The following GGNBP2 variants were observed in gnomAD, a reference collection of about 807,000 sequenced individuals.
GGNBP2 encodes the protein gametogenetin binding protein 2.
In GGNBP2, 10 loss-of-function variants were observed where a neutral mutation model predicts 85.9. The observed-to-expected ratio is 0.12, with a 90% CI of 0.07 to 0.20. The LOEUF is 0.20. GGNBP2 is among the 10% of genes least tolerant of loss of function. The pLI, the probability that GGNBP2 is intolerant of heterozygous loss-of-function variation, is 1.00. For missense variants in GGNBP2, 595 were observed against 857.8 expected (o/e 0.69, Z 3.83); for synonymous variants, 287 against 285.7 (o/e 1.00, Z -0.05).
chr17:36,545,854 C>A, intron 2 of GGNBP2, 37 bp downstream of exon 2: 1 of 1,449,614 alleles, frequency 6.9e-7, no homozygotes, highest in Non-Finnish European at 9.5e-7. Context: ...CGCCGCTCCC[C>A]TGGCAGCTGT....
intron 2 of GGNBP2, 192 bp downstream of exon 2, chr17:36,546,009 C>T (rs528257644): frequency 3.7e-6 from 2 of 545,382 alleles, no homozygotes; most frequent in Admixed American, 3.2e-5. Flanking sequence ...GGCCCCAAGC[C>T]CAGAGCTCCG....
chr17:36,558,898 G>A (rs1314699063), intron 4 of GGNBP2, among the ~76,000 whole-genome samples: 1 of 152,078 alleles, frequency 6.6e-6, no homozygotes, highest in Non-Finnish European at 1.5e-5. Flanking sequence ...GTGAAAAATG[G>A]TTATAAAGGA....
At chr17:36,575,361 T>C (rs1555607546) in intron 6 of GGNBP2, 1 of 347,776 alleles carries the variant, frequency 2.9e-6, no homozygotes, top group East Asian at 7.5e-5. Context: ...ATTTTTGTTT[T>C]TGTTGTGCAT....
intron 5 of GGNBP2, among the ~76,000 whole-genome samples, chr17:36,562,177 TA>T (rs1341222903): frequency 2.6e-5 from 4 of 152,028 alleles, no homozygotes; most frequent in Non-Finnish European, 5.9e-5. Flanking sequence ...ATCTTTTAAT[TA>T]TTTTTTTGAG....
At position 36,558,467 on chromosome 17, in the gene GGNBP2, T is replaced by G. The variant is rs1320893251; in HGVS notation, c.428+1131T>G. 2.0e-5 allele frequency among the ~76,000 whole-genome samples: 3 copies of G among 150,456 alleles called. No homozygotes were observed. In the East Asian group the frequency reaches 5.9e-4, roughly 30 times the overall value. ...AATAAAAGGTCCAGTCATATTTTTA[T>G]TTTTTCAGACAGAGTTTCACTATTG... On this transcript the variant is annotated intron_variant, in intron 4 of 13. Coordinates refer to ENST00000613102, the MANE Select transcript of GGNBP2 (RefSeq NM_024835.5).
At chr17:36,548,093 C>T (rs978370197) in intron 2 of GGNBP2, among the ~76,000 whole-genome samples, 2 of 152,294 alleles carry the variant, frequency 1.3e-5, no homozygotes, top group Admixed American at 1.3e-4. Context: ...TAGGTTTTGT[C>T]TTTGTCCCTA....
intron 6 of GGNBP2, 110 bp from the exon 7 acceptor site, chr17:36,577,873 A>G (rs536834150): frequency 5.9e-5 from 48 of 818,296 alleles, no homozygotes; most frequent in Non-Finnish European, 8.3e-5. Context: ...ATGGAGGCTT[A>G]TTTTGGATGC....
At position 36,578,119 on chromosome 17, in the gene GGNBP2, C is replaced by T; in HGVS notation, c.778C>T (p.His260Tyr). 1.2e-6 allele frequency: 2 copies of T among 1,614,120 alleles called. No homozygotes were observed. Among genetic ancestry groups the T allele is most frequent in the South Asian group, 1.1e-5 (1 of 91,084 alleles). Residue 260 changes from histidine to tyrosine, a missense_variant, in exon 7 of 14, where the codon CAT becomes TAT. This residue lies in a region of GGNBP2 where 92 missense variants were observed against 183.9 expected (regional missense o/e 0.50). Coordinates refer to ENST00000613102, the MANE Select transcript of GGNBP2 (RefSeq NM_024835.5). ...GTGCTGTCCACATGAACGACACATACATGTTTGCTGTGAAACAGACTTCAT... is the reference window on the plus strand; with the variant it reads ...GTGCTGTCCACATGAACGACACATATATGTTTGCTGTGAAACAGACTTCAT... ...LRCCPHERHI[H>Y]VCCETDFIAH...
intron 6 of GGNBP2, among the ~76,000 whole-genome samples, chr17:36,568,137 G>T (rs904487869): frequency 3.3e-5 from 5 of 152,110 alleles, no homozygotes; most frequent in African/African-American, 1.2e-4. Context: ...TGTTGGCCAG[G>T]ATGGTTTAGA....
intron 5 of GGNBP2, 32 bp downstream of exon 5, chr17:36,560,903 C>A: frequency 1.8e-6 from 2 of 1,089,070 alleles, no homozygotes; most frequent in Non-Finnish European, 2.7e-6. Flanking sequence ...GAGGCTTTGT[C>A]ATTGTTAAGA....
intron 5 of GGNBP2, among the ~76,000 whole-genome samples, chr17:36,563,444 A>C (rs1337037316): frequency 6.6e-6 from 1 of 152,108 alleles, no homozygotes; most frequent in African/African-American, 2.4e-5. Context: ...AGCAAGTCCC[A>C]GGCTTCGTGT....
intron 5 of GGNBP2, among the ~76,000 whole-genome samples, chr17:36,564,204 A>T (rs2074447532): frequency 6.6e-6 from 1 of 152,204 alleles, no homozygotes; most frequent in Non-Finnish European, 1.5e-5. Flanking sequence ...TGAAGGCCTA[A>T]AGTGGTATGA....
chr17:36,559,428 A>G (rs1005129010), intron 4 of GGNBP2, among the ~76,000 whole-genome samples: 2 of 152,112 alleles, frequency 1.3e-5, no homozygotes, highest in Non-Finnish European at 2.9e-5. Flanking sequence ...AGACATCCAA[A>G]TAGAATTCAG....
At chr17:36,566,336 A>C (rs766788471) in intron 5 of GGNBP2, among the ~76,000 whole-genome samples, 1 of 152,008 alleles carries the variant, frequency 6.6e-6, no homozygotes, top group Non-Finnish European at 1.5e-5. Flanking sequence ...TTGGGGAGGG[A>C]GAGTGGGAAG....
Position 36,581,384 on chromosome 17 carries a change from A to G in GGNBP2, c.1061A>G (p.Gln354Arg). 6.2e-7 allele frequency: 1 copy of G among 1,613,628 alleles called. No homozygotes were observed. Among genetic ancestry groups the G allele is most frequent in the Non-Finnish European group, 8.5e-7 (1 of 1,179,756 alleles). Residue 354 changes from glutamine (Q) to arginine (R), a missense_variant, in exon 9 of 14, where the codon CAA (glutamine) becomes CGA (arginine). Physicochemically the swap from Gln to Arg is conservative, Grantham distance 43 (BLOSUM62 1). Coordinates refer to ENST00000613102, the MANE Select transcript of GGNBP2 (RefSeq NM_024835.5). ...EKVQGISRLE[Q>R]LCEEFSEEER... Reference sequence around the variant, plus strand: ...GTACAGGGTATTAGCAGATTGGAACAACTTTGTGAGGAATTTTCAGAAGAG... The same window carrying G: ...GTACAGGGTATTAGCAGATTGGAACGACTTTGTGAGGAATTTTCAGAAGAG...
Position 36,545,621 on chromosome 17 carries a change from A to C in GGNBP2, c.-104A>C, listed in dbSNP as rs1049681552. On this transcript the variant is annotated splice_region_variant and 5_prime_UTR_variant, in exon 2 of 14. Transcript: ENST00000613102. ...CTCGCGGGGTTTGGCTGTTGCAGGC[A>C]GGAGCTGGGAGGAGGCGGCAGCGGC... 4 of 846,508 alleles carry C rather than the reference A, an allele frequency of 4.7e-6. No individual in the cohort carries two copies. The highest frequency in any genetic ancestry group is 7.7e-6 in the Non-Finnish European group (4 of 520,530). The allele number at this position is 846,508 out of a possible 1,614,324, so 52.4% of individuals were successfully genotyped here.
At chr17:36,553,306 A>T (rs1253000273) in intron 2 of GGNBP2, among the ~76,000 whole-genome samples, 1 of 152,212 alleles carries the variant, frequency 6.6e-6, no homozygotes, top group African/African-American at 2.4e-5. Context: ...TAGTATTTGC[A>T]TCATAGTCTA....
chr17:36,575,650 T>TATATATATATATATATATATATA (rs2074572823), intron 6 of GGNBP2, among the ~76,000 whole-genome samples: 1 of 59,236 alleles, frequency 1.7e-5, no homozygotes, highest in Non-Finnish European at 2.9e-5. Context: ...ATATATATAT[T>TATATATATATATATATATATATA]TTTTTTTTTT....
At chr17:36,551,198 T>C (rs1320500170) in intron 2 of GGNBP2, among the ~76,000 whole-genome samples, 1 of 147,238 alleles carries the variant, frequency 6.8e-6, no homozygotes, top group Non-Finnish European at 1.5e-5. Context: ...AATAACCGTG[T>C]TCTTTATTGA....
Sources: gnomAD v4.1 joint callset for allele counts (sites outside exome capture counted in the v4.1 genomes callset) on GRCh38, gnomAD v4.1.1 for gene constraint, gnomAD v4.1.1 regional missense constraint, MANE v1.5 for transcripts, NCBI Gene and HGNC (gene_info 2026-07-23, HGNC 2026-07-21) for gene names.